The following CNTN5 variants were observed in gnomAD, a reference collection of about 807,000 sequenced individuals.
CNTN5 encodes the protein contactin 5.
Under a neutral mutation model 129.1 loss-of-function variants are expected in CNTN5, and 77 were observed. That is an observed-to-expected ratio of 0.60 (90% CI 0.50 to 0.72). The LOEUF (loss-of-function observed/expected upper bound fraction) is 0.72. Among genes scored for constraint, CNTN5 ranks in the 30% least tolerant of loss-of-function variants. CNTN5 has a pLI of 0.00. For synonymous variants in CNTN5, 509 were observed against 465.6 expected (o/e 1.09, Z -1.20); for missense variants, 1,478 against 1,328.8 (o/e 1.11, Z -1.75).
chr11:99,638,975 C>T (rs1314295288), intron 3 of CNTN5, among the ~76,000 whole-genome samples: 1 of 152,218 alleles, frequency 6.6e-6, no homozygotes, highest in Non-Finnish European at 1.5e-5. Flanking sequence ...TCCAACCCCA[C>T]ATTTCCATCT....
intron 1 of CNTN5, among the ~76,000 whole-genome samples, chr11:99,238,535 C>T (rs977056014): frequency 8.5e-5 from 13 of 152,092 alleles, no homozygotes; most frequent in Non-Finnish European, 1.6e-4. Flanking sequence ...ATTATGGCTT[C>T]GTTAAGTAAA....
chr11:99,653,277 A>G (rs554783831), intron 3 of CNTN5, among the ~76,000 whole-genome samples: 1 of 152,008 alleles, frequency 6.6e-6, no homozygotes. Flanking sequence ...CCCAAAATGC[A>G]TGGTACATTT....
chr11:100,243,908 A>G (rs1031019087), intron 16 of CNTN5, among the ~76,000 whole-genome samples: 18 of 152,202 alleles, frequency 1.2e-4, no homozygotes, highest in African/African-American at 3.4e-4. Context: ...ATTTTATTAA[A>G]TTGAAAATAA....
At chr11:99,743,726 A>T (rs936974407) in intron 3 of CNTN5, among the ~76,000 whole-genome samples, 1 of 152,176 alleles carries the variant, frequency 6.6e-6, no homozygotes, top group Non-Finnish European at 1.5e-5. Context: ...AAACCTATTT[A>T]GAAGCCCATT....
chr11:99,957,801 A>G (rs536443239), intron 8 of CNTN5, among the ~76,000 whole-genome samples: 9 of 152,094 alleles, frequency 5.9e-5, no homozygotes, highest in Non-Finnish European at 1.3e-4. Context: ...ATGTATGACC[A>G]GAGCTATATC....
At chr11:99,962,935 T>C (rs1364203787) in intron 8 of CNTN5, among the ~76,000 whole-genome samples, 15 of 150,856 alleles carry the variant, frequency 9.9e-5, no homozygotes, top group African/African-American at 3.7e-4. Flanking sequence ...TTCATGTGTT[T>C]TTTGGCTGTA....
At chr11:100,075,236 A>G (rs1266681744) in intron 13 of CNTN5, among the ~76,000 whole-genome samples, 1 of 152,158 alleles carries the variant, frequency 6.6e-6, no homozygotes, top group East Asian at 1.9e-4. Context: ...AATCTGAGGG[A>G]CACTGATTTA....
intron 13 of CNTN5, among the ~76,000 whole-genome samples, chr11:100,159,979 G>A (rs574450345): frequency 5.9e-5 from 9 of 151,774 alleles, no homozygotes; most frequent in Non-Finnish European, 1.3e-4. Flanking sequence ...GGCAGAACGT[G>A]CAGGTTTGTT....
intron 3 of CNTN5, among the ~76,000 whole-genome samples, chr11:99,577,933 T>C (rs1949414938): frequency 6.6e-6 from 1 of 151,420 alleles, no homozygotes; most frequent in South Asian, 2.1e-4. Flanking sequence ...ACCCATTAAC[T>C]CGTCGTTTAG....
chr11:100,046,253 A>T (rs954008370), intron 9 of CNTN5, among the ~76,000 whole-genome samples: 6 of 152,182 alleles, frequency 3.9e-5, no homozygotes, highest in Non-Finnish European at 8.8e-5. Context: ...TATCTGATTA[A>T]TAGAAAAAAC....
At chr11:100,311,304 T>C (rs1466607989) in intron 21 of CNTN5, among the ~76,000 whole-genome samples, 1 of 151,848 alleles carries the variant, frequency 6.6e-6, no homozygotes, top group Non-Finnish European at 1.5e-5. Context: ...CCCAAGAAAC[T>C]AGGTAAATGG....
At position 99,159,840 on chromosome 11, in the gene CNTN5, G is replaced by C. The variant is rs556771453; in HGVS notation, c.-210+138570G>C. On this transcript the variant is annotated intron_variant, in intron 1 of 24. Coordinates refer to ENST00000524871, the MANE Select transcript of CNTN5 (RefSeq NM_014361.4). ...TTTACCTCATAAATTTTGGTTGCTA[G>C]TTATTTGAAGTTGTTTAATGATTAA... is the stretch of plus-strand genomic sequence containing the variant. 3.7e-3 allele frequency among the ~76,000 whole-genome samples: 564 copies of C among 152,230 alleles called. 3 individuals are homozygous for C. The highest frequency in any genetic ancestry group is 7.2e-3 in the Non-Finnish European group (493 of 68,010).
chr11:99,197,274 G>A (rs1201356688), intron 1 of CNTN5, among the ~76,000 whole-genome samples: 1 of 151,686 alleles, frequency 6.6e-6, no homozygotes, highest in African/African-American at 2.4e-5. Flanking sequence ...CAAAACTTAA[G>A]AGTACATAAT....
chr11:99,861,355 AT>A (rs969331248), intron 6 of CNTN5, among the ~76,000 whole-genome samples: 1 of 152,096 alleles, frequency 6.6e-6, no homozygotes, highest in Non-Finnish European at 1.5e-5. Context: ...ATTCCGAAGT[AT>A]TTTTTGTAGG....
intron 1 of CNTN5, among the ~76,000 whole-genome samples, chr11:99,171,051 C>T (rs7101844): frequency 0.13 from 19,626 of 152,092 alleles, 1,782 homozygotes; most frequent in African/African-American, 0.26. Flanking sequence ...GCATCACATA[C>T]ACTGAATATA....
intron 4 of CNTN5, among the ~76,000 whole-genome samples, chr11:99,832,915 A>T (rs1298240446): frequency 6.6e-6 from 1 of 152,332 alleles, no homozygotes; most frequent in East Asian, 1.9e-4. Context: ...GCAGCCTGGC[A>T]TTAGATGTAA....
intron 1 of CNTN5, among the ~76,000 whole-genome samples, chr11:99,261,176 CA>C (rs1190094893): frequency 1.3e-5 from 2 of 150,678 alleles, no homozygotes; most frequent in Non-Finnish European, 3.0e-5. Context: ...AACTAATGAA[CA>C]CATACAATGT....
chr11:100,213,438 A>C (rs1402288297), intron 15 of CNTN5, among the ~76,000 whole-genome samples: 1 of 152,186 alleles, frequency 6.6e-6, no homozygotes, highest in Non-Finnish European at 1.5e-5. Context: ...CAGTAGTAGA[A>C]TATGGTCTCG....
chr11:99,929,228 A>G (rs574164627), intron 7 of CNTN5, among the ~76,000 whole-genome samples: 1 of 152,314 alleles, frequency 6.6e-6, no homozygotes, highest in Non-Finnish European at 1.5e-5. Context: ...ACAAGTATCT[A>G]GGAGGTTCCA....
Sources: gnomAD v4.1 joint callset for allele counts (sites outside exome capture counted in the v4.1 genomes callset) on GRCh38, gnomAD v4.1.1 for gene constraint, MANE v1.5 for transcripts, NCBI Gene and HGNC (gene_info 2026-07-23, HGNC 2026-07-21) for gene names.